Variants in STK32B observed in about 807,000 individuals in gnomAD.
STK32B encodes the protein serine/threonine-protein kinase 32B.
In STK32B, 43 loss-of-function variants were observed where a neutral mutation model predicts 52.6. The observed-to-expected ratio is 0.82, with a 90% CI of 0.64 to 1.05. The LOEUF (loss-of-function observed/expected upper bound fraction) is 1.05, where lower values mean the gene tolerates loss of function less well. STK32B is among the 50% of genes least tolerant of loss of function. The pLI is 0.00. For synonymous variants in STK32B, 238 were observed against 204.3 expected, an observed-to-expected ratio of 1.17 and a Z score of -1.41; for missense variants, 621 against 534.6, an observed-to-expected ratio of 1.16 and a Z score of -1.59.
intron 9 of STK32B, 33 bp from the exon 10 acceptor site, chr4:5,466,670 A>T: frequency 6.3e-7 from 1 of 1,596,010 alleles, no homozygotes; most frequent in Admixed American, 1.8e-5. Context: ...TGGAACGCAG[A>T]CAGACCATGT....
rs117948304 is a variant in STK32B at position 5,171,493 on chromosome 4, A to G, written c.260+3043A>G. 2.1e-3 allele frequency among the ~76,000 whole-genome samples: 324 copies of G among 152,324 alleles called. 6 individuals are homozygous for G. In the East Asian group the frequency reaches 0.052, roughly 25 times the overall value. ...TTGCATTAATTTTTGTATAAGGTAC[A>G]AGGAAGGTGTCCAGTTTCAGCTTTC... On this transcript the variant is annotated intron_variant, in intron 3 of 11. Transcript: ENST00000282908.
At chr4:5,154,834 C>T (rs73794799) in intron 2 of STK32B, among the ~76,000 whole-genome samples, 2,094 of 152,240 alleles carry the variant, frequency 0.014, 44 homozygotes, top group African/African-American at 0.041. Flanking sequence ...AGTGAGTGCT[C>T]GGGTGAGAGA....
At chr4:5,253,627 C>T (rs1487106991) in intron 3 of STK32B, among the ~76,000 whole-genome samples, 1 of 152,046 alleles carries the variant, frequency 6.6e-6, no homozygotes, top group Non-Finnish European at 1.5e-5. Context: ...CCACCCACCT[C>T]GGCCTCCAAA....
At chr4:5,473,469 A>C (rs923332725) in intron 11 of STK32B, among the ~76,000 whole-genome samples, 1 of 152,118 alleles carries the variant, frequency 6.6e-6, no homozygotes, top group Admixed American at 6.5e-5. Context: ...GGTTATGCTT[A>C]TTCCCCCCCA....
chr4:5,049,602 A>G (rs369247555), upstream of STK32B, among the ~76,000 whole-genome samples: 9 of 152,296 alleles, frequency 5.9e-5, no homozygotes, highest in East Asian at 9.6e-4. Flanking sequence ...GAATTTCACA[A>G]GGTAATGTCA....
intron 3 of STK32B, among the ~76,000 whole-genome samples, chr4:5,266,616 A>T (rs1437820310): frequency 6.6e-6 from 1 of 152,166 alleles, no homozygotes; most frequent in Non-Finnish European, 1.5e-5. Flanking sequence ...CTGAATCAAC[A>T]TTTTTTAGTC....
intron 6 of STK32B, among the ~76,000 whole-genome samples, chr4:5,431,364 TG>T (rs1412456685): frequency 6.6e-6 from 1 of 152,234 alleles, no homozygotes; most frequent in Non-Finnish European, 1.5e-5. Flanking sequence ...TTTAAGAGAG[TG>T]GTACTGGATA....
chr4:5,214,466 A>G (rs1420828725), intron 3 of STK32B, among the ~76,000 whole-genome samples: 1 of 151,942 alleles, frequency 6.6e-6, no homozygotes, highest in Non-Finnish European at 1.5e-5. Context: ...TTTGTTACTT[A>G]TAGACAACTC....
At chr4:5,140,251 A>G in intron 2 of STK32B, 2 of 1,426,556 alleles carry the variant, frequency 1.4e-6, no homozygotes, top group Non-Finnish European at 1.9e-6. Flanking sequence ...TTGAAAAAAA[A>G]CCCATAAACA....
the STK32B span, among the ~76,000 whole-genome samples, chr4:5,022,406 C>T: frequency 5.3e-5 from 8 of 152,294 alleles, no homozygotes; most frequent in Admixed American, 2.0e-4. Context: ...CCCTATGAGA[C>T]GCCGCACTGG....
chr4:5,439,150 T>C (rs1714446038), intron 6 of STK32B, among the ~76,000 whole-genome samples: 1 of 148,330 alleles, frequency 6.7e-6, no homozygotes, highest in African/African-American at 2.5e-5. Flanking sequence ...ATGGTATTTC[T>C]AGTTCTAGAT....
chr4:5,089,166 G>C (rs1298722820), intron 1 of STK32B, among the ~76,000 whole-genome samples: 2 of 151,984 alleles, frequency 1.3e-5, no homozygotes, highest in Non-Finnish European at 2.9e-5. Flanking sequence ...ATGAATAATT[G>C]TATGCCAATA....
the STK32B span, among the ~76,000 whole-genome samples, chr4:5,025,310 G>A: frequency 6.6e-6 from 1 of 152,138 alleles, no homozygotes; most frequent in Admixed American, 6.5e-5. Flanking sequence ...ATGTGAGGAT[G>A]TGAGGAAGCA....
In STK32B at chr4:5,448,307, A is replaced by G. The variant is rs77465423; in HGVS notation, c.666+1531A>G. On this transcript the variant is annotated intron_variant, in intron 7 of 11. Coordinates refer to ENST00000282908, the MANE Select transcript of STK32B (RefSeq NM_018401.3). The stretch of plus-strand genomic sequence containing the variant: ...GTGAGCTGCTGCGGGGCTGCATAAG[A>G]CAGGTGCCTGTGTGGTGTTCCTGCT... Among the ~76,000 whole-genome samples, 724 of 152,342 alleles carry G rather than the reference A, an allele frequency of 4.8e-3. 19 individuals are homozygous for G. In the East Asian group the frequency reaches 0.069, roughly 15 times the overall value.
rs535584600 is a variant in STK32B, at chr4:5,173,724, C to G, written c.260+5274C>G. ...TTGCTGAGGAGTGCTTTACTTCCAA[C>G]TATGTGGTCAATTTTGGAATAGGTG... On this transcript the variant is annotated intron_variant, in intron 3 of 11. Transcript: ENST00000282908. 2.3e-3 allele frequency among the ~76,000 whole-genome samples: 350 copies of G among 152,244 alleles called. 2 individuals are homozygous for G. Among genetic ancestry groups the G allele is most frequent in the East Asian group, 9.5e-3 (49 of 5,172 alleles).
intron 11 of STK32B, among the ~76,000 whole-genome samples, chr4:5,495,497 T>G (rs535121651): frequency 6.6e-6 from 1 of 152,192 alleles, no homozygotes; most frequent in Non-Finnish European, 1.5e-5. Flanking sequence ...TTCAAAGTTT[T>G]CAACTTCTTT....
intron 6 of STK32B, among the ~76,000 whole-genome samples, chr4:5,425,947 A>G (rs1713055217): frequency 6.6e-6 from 1 of 152,204 alleles, no homozygotes; most frequent in Admixed American, 6.5e-5. Context: ...TGACGTGTGT[A>G]TCAGTAGTCC....
At chr4:5,476,473 A>G (rs945367147) in intron 11 of STK32B, among the ~76,000 whole-genome samples, 3 of 152,210 alleles carry the variant, frequency 2.0e-5, no homozygotes, top group African/African-American at 7.2e-5. Context: ...GTTCTGAAAT[A>G]AGCACACAGG....
At chr4:5,367,939 G>A (rs934304802) in intron 4 of STK32B, among the ~76,000 whole-genome samples, 2 of 152,146 alleles carry the variant, frequency 1.3e-5, no homozygotes, top group Non-Finnish European at 2.9e-5. Flanking sequence ...GGAACCTGAG[G>A]TGGGGAGGGG....
Sources: gnomAD v4.1 joint callset for allele counts (sites outside exome capture counted in the v4.1 genomes callset) on GRCh38, gnomAD v4.1.1 for gene constraint, MANE v1.5 for transcripts, NCBI Gene and HGNC (gene_info 2026-07-23, HGNC 2026-07-21) for gene names.